The following ZNRF1 variants were observed in gnomAD, a reference collection of about 807,000 sequenced individuals.
The protein encoded by ZNRF1 is zinc and ring finger 1.
In ZNRF1, 3 loss-of-function variants were observed where a neutral mutation model predicts 18.4. That is an observed-to-expected ratio of 0.16 (90% CI 0.07 to 0.42). The LOEUF is 0.42. Ranked by LOEUF, ZNRF1 falls within the 10% of genes least tolerant of loss-of-function variation. The probability of loss-of-function intolerance (pLI) is 0.99; values close to 1 mark genes in which losing one functional copy is unlikely to be tolerated. For synonymous variants in ZNRF1, 157 were observed against 144.2 expected (o/e 1.09, Z -0.64); for missense variants, 310 against 329.8 (o/e 0.94, Z 0.47).
rs1007746019 is a variant in ZNRF1, at chr16:75,106,211, C to G, written c.627-271C>G. On this transcript the variant is annotated intron_variant, in intron 3 of 4. Transcript: ENST00000335325. ...TGGGCTCTGCACAGAAAGCTTTGGT[C>G]CTTCTGAAAGCCACTCTGCCCCTTC... 8.6e-5 allele frequency: 39 copies of G among 454,492 alleles called. No individual in the cohort carries two copies. The South Asian group carries it at 9.4e-4, about 11-fold the overall frequency. The allele number at this position is 454,492 out of a possible 1,614,324, so 28.2% of individuals were successfully genotyped here. A position where few individuals can be genotyped will look rare whatever the true frequency, so the allele number is the denominator to read the frequency against.
chr16:75,007,869 T>G lies in ZNRF1; in HGVS notation c.424+7774T>G, dbSNP rs114365778. On this transcript the variant is annotated intron_variant, in intron 1 of 4. Coordinates refer to ENST00000335325, the MANE Select transcript of ZNRF1 (RefSeq NM_032268.5). Reference sequence around the variant, plus strand: ...AGCTTTCTTTTTATTTGTTTTTTCTTCTTATTTTTCTTTAGAGAAAGGTTT... The same window carrying G: ...AGCTTTCTTTTTATTTGTTTTTTCTGCTTATTTTTCTTTAGAGAAAGGTTT... 3.3e-3 allele frequency among the ~76,000 whole-genome samples: 507 copies of G among 152,248 alleles called. 2 individuals are homozygous for G. Among genetic ancestry groups the G allele is most frequent in the African/African-American group, 0.012 (488 of 41,540 alleles).
intron 1 of ZNRF1, among the ~76,000 whole-genome samples, chr16:75,006,401 C>G (rs954940217): frequency 6.6e-6 from 1 of 152,078 alleles, no homozygotes; most frequent in Non-Finnish European, 1.5e-5. Context: ...GAAGTTAGCC[C>G]AAAACCTAAA....
intron 1 of ZNRF1, among the ~76,000 whole-genome samples, chr16:75,000,612 A>G (rs796474967): frequency 6.6e-6 from 1 of 152,050 alleles, no homozygotes; most frequent in Non-Finnish European, 1.5e-5. Context: ...CCTGCTGGAG[A>G]TCTGTTTGAA....
At chr16:75,062,467 CAA>C (rs1228064000) in intron 1 of ZNRF1, among the ~76,000 whole-genome samples, 3 of 152,220 alleles carry the variant, frequency 2.0e-5, no homozygotes, top group African/African-American at 7.2e-5. Context: ...AGAGCTAAGT[CAA>C]AGAGAGTGCA....
In ZNRF1 at chr16:75,110,384, C is replaced by T. The variant is rs577633792; in HGVS notation, c.*2684C>T. ...CGGCGAGCAGGTTCTACCCTCTCTG[C>T]TAAGGGCCTAGCACACTTTGATGAG... On this transcript the variant is annotated 3_prime_UTR_variant, in exon 5 of 5. Transcript: ENST00000335325. 2 of 152,400 alleles carry T rather than the reference C, an allele frequency of 1.3e-5. No individual in the cohort carries two copies. The highest frequency in any genetic ancestry group is 2.1e-4 in the South Asian group (1 of 4,822). 9.4% of individuals were successfully genotyped at this position (152,400 alleles called of 1,614,324 possible).
At chr16:75,076,331 A>G (rs527475414) in intron 1 of ZNRF1, among the ~76,000 whole-genome samples, 3 of 152,218 alleles carry the variant, frequency 2.0e-5, no homozygotes, top group South Asian at 4.2e-4. Context: ...CAGGAGGCTG[A>G]TGGATCCGCT....
chr16:75,015,933 T>C (rs1200885001), intron 1 of ZNRF1, among the ~76,000 whole-genome samples: 1 of 151,240 alleles, frequency 6.6e-6, no homozygotes, highest in Admixed American at 6.6e-5. Context: ...TTTTTTTTTT[T>C]TTTTGAGACG....
rs2145437079 is a variant in ZNRF1 at position 75,110,453 on chromosome 16, A to G, written c.*2753A>G. The G allele has an allele frequency of 6.6e-6, 1 of 152,366 alleles. No individual in the cohort carries two copies. The highest frequency in any genetic ancestry group is 2.1e-4 in the South Asian group (1 of 4,828). 9.4% of individuals were successfully genotyped at this position (152,366 alleles called of 1,614,324 possible). A position where few individuals can be genotyped will look rare whatever the true frequency, so the allele number is the denominator to read the frequency against. On this transcript the variant is annotated 3_prime_UTR_variant, in exon 5 of 5. Transcript: ENST00000335325. ...CTCACAAAGACCAACCATTCCTCTA[A>G]TAGCCATTTAACGGTACTGCAGTTC...
chr16:75,045,959 A>G (rs1314072036), intron 1 of ZNRF1, among the ~76,000 whole-genome samples: 1 of 151,800 alleles, frequency 6.6e-6, no homozygotes, highest in Non-Finnish European at 1.5e-5. Context: ...CTAGAGTACA[A>G]TGGCACGATC....
chr16:75,032,215 T>G (rs117484816), intron 1 of ZNRF1, among the ~76,000 whole-genome samples: 6,853 of 147,860 alleles, frequency 0.046, 248 homozygotes, highest in Non-Finnish European at 0.064. Context: ...GTTCAAGCAA[T>G]TGTCTCGCCT....
chr16:75,046,142 G>A (rs2035512543), intron 1 of ZNRF1, among the ~76,000 whole-genome samples: 1 of 152,070 alleles, frequency 6.6e-6, no homozygotes, highest in African/African-American at 2.4e-5. Flanking sequence ...GACCTCAGGT[G>A]ATCTGCCTGC....
intron 1 of ZNRF1, among the ~76,000 whole-genome samples, chr16:75,066,550 T>G (rs374977344): frequency 6.6e-6 from 1 of 152,224 alleles, no homozygotes; most frequent in African/African-American, 2.4e-5. Context: ...TCACCTAGGC[T>G]GCAGTGCAGT....
chr16:75,103,544 A>G (rs1368571889), intron 2 of ZNRF1, among the ~76,000 whole-genome samples: 2 of 152,154 alleles, frequency 1.3e-5, no homozygotes, highest in Non-Finnish European at 2.9e-5. Context: ...AATGGGTATA[A>G]CATTTTAGTT....
At position 75,095,661 on chromosome 16, in the gene ZNRF1, T is replaced by C. The variant is rs528230582; in HGVS notation, c.520+1994T>C. 2.3e-5 allele frequency: 36 copies of C among 1,550,104 alleles called. No homozygotes were observed. The South Asian group carries it at 4.3e-4, about 18-fold the overall frequency. On this transcript the variant is annotated intron_variant, in intron 2 of 4. Transcript: ENST00000335325. ...AAAACCTGGCTCTCAGGAAGAACTT[T>C]GCAAGAGCAGCCGTGGAGGACAGAG...
At chr16:75,093,034 GCA>G (rs1212070096) in intron 1 of ZNRF1, among the ~76,000 whole-genome samples, 1 of 152,196 alleles carries the variant, frequency 6.6e-6, no homozygotes, top group Non-Finnish European at 1.5e-5. Context: ...CCTTAACGAG[GCA>G]CATAAGGCAG....
chr16:75,095,540 C>A (rs976384500), intron 2 of ZNRF1: 137 of 1,448,374 alleles, frequency 9.5e-5, no homozygotes, highest in Non-Finnish European at 2.3e-5. Context: ...CTCATGAAGT[C>A]CTCCGTTTGT....
chr16:75,035,036 CACCATTTT>C (rs1156955702), intron 1 of ZNRF1, among the ~76,000 whole-genome samples: 1 of 152,084 alleles, frequency 6.6e-6, no homozygotes, highest in Admixed American at 6.5e-5. Context: ...ATAGCAACTG[CACCATTTT>C]ACCATTTTAC....
intron 2 of ZNRF1, among the ~76,000 whole-genome samples, chr16:75,100,229 C>G (rs2036240500): frequency 6.6e-6 from 1 of 152,220 alleles, no homozygotes; most frequent in African/African-American, 2.4e-5. Flanking sequence ...GCAGCAGACT[C>G]AGGCCAGCTG....
At chr16:75,061,052 T>TG (rs2035738092) in intron 1 of ZNRF1, among the ~76,000 whole-genome samples, 1 of 152,190 alleles carries the variant, frequency 6.6e-6, no homozygotes, top group African/African-American at 2.4e-5. Flanking sequence ...TGCATTTTTA[T>TG]GGGGTACATG....
Sources: gnomAD v4.1 joint callset for allele counts (sites outside exome capture counted in the v4.1 genomes callset) on GRCh38, gnomAD v4.1.1 for gene constraint, MANE v1.5 for transcripts, NCBI Gene and HGNC (gene_info 2026-07-23, HGNC 2026-07-21) for gene names.